Variants in DLGAP2 observed in about 807,000 individuals in gnomAD.
DLGAP2 encodes disks large-associated protein 2.
DLGAP2 carries 26 observed loss-of-function variants against 100.3 expected under a neutral mutation model. The observed-to-expected ratio is 0.26, with a 90% CI of 0.19 to 0.36. The LOEUF (loss-of-function observed/expected upper bound fraction) is 0.36. Among genes scored for constraint, DLGAP2 ranks in the 10% least tolerant of loss-of-function variants. The pLI is 1.00. For synonymous variants in DLGAP2, 886 were observed against 630.1 expected (o/e 1.41, Z -6.08); for missense variants, 1,858 against 1,453.2 (o/e 1.28, Z -4.53).
At chr8:1,242,793 T>C (rs1172706453) in intron 2 of DLGAP2, among the ~76,000 whole-genome samples, 1 of 151,940 alleles carries the variant, frequency 6.6e-6, no homozygotes, top group Admixed American at 6.5e-5. Flanking sequence ...GACGGACAGA[T>C]AGATGGATGG....
chr8:1,670,353 C>T (rs1376880615), intron 10 of DLGAP2, among the ~76,000 whole-genome samples: 1 of 152,238 alleles, frequency 6.6e-6, no homozygotes, highest in African/African-American at 2.4e-5. Flanking sequence ...GGTCAGCCCT[C>T]TTCCGCTCCC....
intron 2 of DLGAP2, among the ~76,000 whole-genome samples, chr8:1,029,316 C>T (rs1345535746): frequency 6.6e-6 from 1 of 152,156 alleles, no homozygotes; most frequent in Non-Finnish European, 1.5e-5. Context: ...AAGAGTACAA[C>T]CTGGGACAAA....
chr8:1,066,613 T>TC (rs1170170827), intron 2 of DLGAP2, among the ~76,000 whole-genome samples: 1 of 150,798 alleles, frequency 6.6e-6, no homozygotes, highest in Non-Finnish European at 1.5e-5. Flanking sequence ...TGAGGGCAGC[T>TC]CCCCACCACG....
intron 1 of DLGAP2, among the ~76,000 whole-genome samples, chr8:871,755 G>A (rs1797602411): frequency 6.6e-6 from 1 of 152,152 alleles, no homozygotes; most frequent in Non-Finnish European, 1.5e-5. Flanking sequence ...TTGGGTAAGG[G>A]ACACTCAGCC....
At chr8:924,572 A>G (rs1324435166) in intron 2 of DLGAP2, among the ~76,000 whole-genome samples, 1 of 151,466 alleles carries the variant, frequency 6.6e-6, no homozygotes, top group Non-Finnish European at 1.5e-5. Flanking sequence ...TATCCCGGTT[A>G]TTCTTTTTTT....
intron 3 of DLGAP2, among the ~76,000 whole-genome samples, chr8:1,361,942 A>G (rs1469981685): frequency 6.6e-6 from 1 of 152,196 alleles, no homozygotes; most frequent in Non-Finnish European, 1.5e-5. Context: ...TCTCCTGGGA[A>G]GAGGTGGACA....
chr8:1,220,356 C>T (rs1798292555), intron 2 of DLGAP2, among the ~76,000 whole-genome samples: 1 of 151,962 alleles, frequency 6.6e-6, no homozygotes, highest in African/African-American at 2.4e-5. Context: ...TACCTTCATT[C>T]TTTACCCAAA....
chr8:1,550,489 T>C (rs888870550), intron 5 of DLGAP2, among the ~76,000 whole-genome samples: 4 of 152,102 alleles, frequency 2.6e-5, no homozygotes, highest in African/African-American at 7.2e-5. Context: ...GACTTGCCCA[T>C]GTGGGTGTTT....
intron 6 of DLGAP2, among the ~76,000 whole-genome samples, chr8:1,579,454 CTTAT>C (rs1803136039): frequency 6.6e-6 from 1 of 151,994 alleles, no homozygotes; most frequent in Non-Finnish European, 1.5e-5. Flanking sequence ...AAATTAAAAA[CTTAT>C]TTATGATACA....
chr8:808,369 T>G (rs775067748), intron 1 of DLGAP2, among the ~76,000 whole-genome samples: 11 of 152,184 alleles, frequency 7.2e-5, no homozygotes, highest in Non-Finnish European at 1.3e-4. Context: ...TGTGGGGCCC[T>G]TATTTCCTTT....
At chr8:920,457 C>T (rs1190865809) in intron 2 of DLGAP2, among the ~76,000 whole-genome samples, 1 of 152,184 alleles carries the variant, frequency 6.6e-6, no homozygotes, top group Admixed American at 6.5e-5. Context: ...TAACAATAAG[C>T]AAATCTAAAA....
intron 6 of DLGAP2, among the ~76,000 whole-genome samples, chr8:1,575,295 A>G (rs1421272096): frequency 1.3e-5 from 2 of 152,064 alleles, no homozygotes; most frequent in East Asian, 3.9e-4. Context: ...AAGCCAAAAT[A>G]CAGAAAAACA....
intron 2 of DLGAP2, among the ~76,000 whole-genome samples, chr8:1,064,050 G>A (rs960426498): frequency 2.0e-5 from 3 of 151,400 alleles, no homozygotes; most frequent in Admixed American, 6.6e-5. Flanking sequence ...AGCCTTTAAC[G>A]GGGTTTGCAG....
At chr8:1,140,329 C>T (rs1323999703) in intron 2 of DLGAP2, among the ~76,000 whole-genome samples, 1 of 151,652 alleles carries the variant, frequency 6.6e-6, no homozygotes, top group African/African-American at 2.4e-5. Context: ...TCTGGCCTCC[C>T]TTCCATCTGG....
Position 973,119 on chromosome 8 carries a change from A to G in DLGAP2, c.73+65153A>G, listed in dbSNP as rs530254518. Among the ~76,000 whole-genome samples, 417 of 152,296 alleles carry G rather than the reference A, an allele frequency of 2.7e-3. 2 individuals are homozygous for G. Among genetic ancestry groups the G allele is most frequent in the African/African-American group, 9.3e-3 (385 of 41,580 alleles). ...CCATCGTCATCATGGCCCGTTCTCA[A>G]TGAGCTGTTGGGTACACCTCCCAGA... On this transcript the variant is annotated intron_variant, in intron 2 of 14. Transcript: ENST00000637795.
intron 2 of DLGAP2, among the ~76,000 whole-genome samples, chr8:1,198,752 A>T (rs978289659): frequency 6.6e-6 from 1 of 152,186 alleles, no homozygotes; most frequent in Non-Finnish European, 1.5e-5. Flanking sequence ...GTCCTTTGGC[A>T]AGACCACACC....
intron 2 of DLGAP2, among the ~76,000 whole-genome samples, chr8:1,156,629 C>CCAGCGCCCCAGCT (rs1554493436): frequency 1.8e-4 from 4 of 21,698 alleles, no homozygotes; most frequent in East Asian, 1.3e-3. Flanking sequence ...GCGCCCCAGC[C>CCAGCGCCCCAGCT]CAGCGCCCCG....
chr8:1,491,520 C>CT (rs1366745486), intron 3 of DLGAP2, among the ~76,000 whole-genome samples: 4 of 152,256 alleles, frequency 2.6e-5, no homozygotes, highest in Non-Finnish European at 4.4e-5. Context: ...TTCACTCTGT[C>CT]TTTAAAGTAG....
intron 4 of DLGAP2, among the ~76,000 whole-genome samples, chr8:1,527,712 C>T (rs182024660): frequency 7.7e-4 from 117 of 152,294 alleles, no homozygotes; most frequent in African/African-American, 1.3e-3. Flanking sequence ...GCAGCATGCA[C>T]GGCGTAACTG....
Sources: allele counts gnomAD v4.1 joint callset (sites outside exome capture counted in the v4.1 genomes callset), GRCh38; gene constraint gnomAD v4.1.1; transcripts MANE v1.5; gene names NCBI Gene and HGNC (gene_info 2026-07-23, HGNC 2026-07-21).